CCDC3: variants seen among roughly 807,000 people sequenced by gnomAD.
CCDC3 encodes the protein coiled-coil domain containing 3.
CCDC3 carries 24 observed loss-of-function variants against 21.4 expected under a neutral mutation model. The observed-to-expected ratio is 1.12, with a 90% CI of 0.81 to 1.58. The LOEUF (loss-of-function observed/expected upper bound fraction) is 1.58, where lower values mean the gene tolerates loss of function less well. Ranked by LOEUF, CCDC3 falls within the 40% of genes most tolerant of loss-of-function variation. The pLI, the probability that CCDC3 is intolerant of heterozygous loss-of-function variation, is 0.00. For missense variants in CCDC3, 425 were observed against 360.9 expected (o/e 1.18, Z -1.44); for synonymous variants, 186 against 166.0 (o/e 1.12, Z -0.93).
chr10:13,093,831 T>C (rs1953314), intron 3 of CCDC3, among the ~76,000 whole-genome samples: 116,767 of 152,154 alleles, frequency 0.77, 45,959 homozygotes, highest in Non-Finnish European at 0.87. Flanking sequence ...TGATCAATTA[T>C]TTAATCCAAA....
intron 2 of CCDC3, among the ~76,000 whole-genome samples, chr10:12,976,248 T>C (rs1325227845): frequency 6.6e-6 from 1 of 152,226 alleles, no homozygotes; most frequent in Non-Finnish European, 1.5e-5. Context: ...AGCATGTAGC[T>C]GAGTAAACAA....
chr10:12,902,038 C>T (rs1052048327), intron 2 of CCDC3, among the ~76,000 whole-genome samples: 8 of 152,184 alleles, frequency 5.3e-5, no homozygotes, highest in South Asian at 4.1e-4. Flanking sequence ...CATGGCACGC[C>T]GTAGCTATTC....
chr10:13,064,163 A>G (rs766843675), intron 4 of CCDC3, among the ~76,000 whole-genome samples: 1 of 152,102 alleles, frequency 6.6e-6, no homozygotes, highest in Non-Finnish European at 1.5e-5. Flanking sequence ...TGACCTCGTG[A>G]TCCACCTGCC....
chr10:12,955,738 G>GT (rs1447923846), intron 2 of CCDC3, among the ~76,000 whole-genome samples: 33 of 151,416 alleles, frequency 2.2e-4, no homozygotes, highest in African/African-American at 7.0e-4. Flanking sequence ...TTTGTTTTTT[G>GT]TTGTTTATTT....
chr10:13,056,457 C>T (rs754488187), intron 4 of CCDC3, among the ~76,000 whole-genome samples: 1 of 152,190 alleles, frequency 6.6e-6, no homozygotes, highest in African/African-American at 2.4e-5. Context: ...TAAGCCCACT[C>T]GTCCGGAACC....
intron 4 of CCDC3, among the ~76,000 whole-genome samples, chr10:13,071,659 G>A (rs1340798499): frequency 6.6e-6 from 1 of 152,120 alleles, no homozygotes; most frequent in Non-Finnish European, 1.5e-5. Context: ...CAGGACTTGG[G>A]GATACAAGGA....
intron 2 of CCDC3, among the ~76,000 whole-genome samples, chr10:12,930,295 CG>C (rs952299948): frequency 2.0e-5 from 3 of 152,160 alleles, no homozygotes; most frequent in Non-Finnish European, 4.4e-5. Flanking sequence ...CCCTCAAAAA[CG>C]TGTCACAAAA....
At chr10:12,947,153 T>TG (rs1202307820) in intron 2 of CCDC3, among the ~76,000 whole-genome samples, 6 of 151,454 alleles carry the variant, frequency 4.0e-5, no homozygotes, top group African/African-American at 7.3e-5. Flanking sequence ...CTTTTTTTTT[T>TG]TTTTGTTTTT....
chr10:13,028,073 A>G (rs1053211445), intron 5 of CCDC3, among the ~76,000 whole-genome samples: 8 of 152,228 alleles, frequency 5.3e-5, no homozygotes, highest in African/African-American at 1.9e-4. Context: ...TGAAAAAGCC[A>G]GAATGATATG....
chr10:12,928,621 A>G (rs1009468178), intron 2 of CCDC3, among the ~76,000 whole-genome samples: 31 of 152,292 alleles, frequency 2.0e-4, no homozygotes, highest in Admixed American at 1.6e-3. Context: ...TATATTTAAT[A>G]CCATTGGCTA....
chr10:13,076,910 G>T (rs1346289249), intron 3 of CCDC3, among the ~76,000 whole-genome samples: 1 of 152,100 alleles, frequency 6.6e-6, no homozygotes, highest in African/African-American at 2.4e-5. Context: ...AGCTGCATAA[G>T]GGACAAAAAT....
At chr10:12,931,208 C>CAAAAAAAAAA (rs67541166) in intron 2 of CCDC3, among the ~76,000 whole-genome samples, 2 of 75,054 alleles carry the variant, frequency 2.7e-5, no homozygotes, top group African/African-American at 9.5e-5. Flanking sequence ...AAGACTCTGT[C>CAAAAAAAAAA]AAAAAAAAAA....
intron 2 of CCDC3, among the ~76,000 whole-genome samples, chr10:12,952,443 G>C (rs537321041): frequency 6.6e-6 from 1 of 152,304 alleles, no homozygotes; most frequent in South Asian, 2.1e-4. Context: ...CAGGTAGACT[G>C]AGAGAACAAA....
intron 2 of CCDC3, among the ~76,000 whole-genome samples, chr10:12,956,406 C>A (rs1232409288): frequency 1.3e-5 from 2 of 152,110 alleles, no homozygotes; most frequent in African/African-American, 2.4e-5. Context: ...GTGTCCCTGT[C>A]AGCACAGAGA....
chr10:13,017,316 C>T (rs966596184), intron 5 of CCDC3, among the ~76,000 whole-genome samples: 2 of 151,666 alleles, frequency 1.3e-5, no homozygotes, highest in Admixed American at 1.3e-4. Flanking sequence ...CAAGAGTTTG[C>T]AACTAGCCTG....
intron 5 of CCDC3, among the ~76,000 whole-genome samples, chr10:13,047,667 C>T (rs765724827): frequency 2.6e-5 from 4 of 152,106 alleles, no homozygotes; most frequent in East Asian, 1.9e-4. Flanking sequence ...GTGGTCCTGG[C>T]AACTGCAAGC....
At chr10:13,084,424 G>C (rs1837078295) in intron 3 of CCDC3, among the ~76,000 whole-genome samples, 1 of 151,890 alleles carries the variant, frequency 6.6e-6, no homozygotes, top group African/African-American at 2.4e-5. Flanking sequence ...AAGTAGCTGA[G>C]ATTACAGGGA....
At chr10:12,989,322 T>C (rs1835645714) in intron 2 of CCDC3, among the ~76,000 whole-genome samples, 1 of 152,228 alleles carries the variant, frequency 6.6e-6, no homozygotes, top group Non-Finnish European at 1.5e-5. Context: ...CCTTCTACCA[T>C]GGTCCACCAC....
intron 2 of CCDC3, among the ~76,000 whole-genome samples, chr10:12,949,796 A>C (rs1284506663): frequency 6.6e-6 from 1 of 152,208 alleles, no homozygotes; most frequent in Non-Finnish European, 1.5e-5. Flanking sequence ...CCCAGAGGAA[A>C]GTGCAATCAT....
Sources: allele counts gnomAD v4.1 joint callset (sites outside exome capture counted in the v4.1 genomes callset), GRCh38; gene constraint gnomAD v4.1.1; transcripts MANE v1.5; gene names NCBI Gene and HGNC (gene_info 2026-07-23, HGNC 2026-07-21).